Variants in ADRA1D observed in about 807,000 individuals in gnomAD.
ADRA1D encodes adrenoceptor alpha 1D, also known as alpha-1D adrenergic receptor.
A neutral mutation model predicts 18.6 loss-of-function variants in ADRA1D; 22 were observed. The observed-to-expected ratio is 1.19, with a 90% CI of 0.85 to 1.69. ADRA1D has a LOEUF of 1.69. Ranked by LOEUF, ADRA1D falls within the 40% of genes most tolerant of loss-of-function variation. The pLI, the probability that ADRA1D is intolerant of heterozygous loss-of-function variation, is 0.00. For synonymous variants in ADRA1D, 376 were observed against 388.2 expected (o/e 0.97, Z 0.37); for missense variants, 840 against 840.7 (o/e 1.00, Z 0.01).
At chr20:4,226,470 C>A (rs1280832544) in intron 1 of ADRA1D, among the ~76,000 whole-genome samples, 2 of 152,218 alleles carry the variant, frequency 1.3e-5, no homozygotes, top group African/African-American at 4.8e-5. Flanking sequence ...AGTTACGGAT[C>A]ACTGTGGGCA....
At chr20:4,234,492 C>A (rs932865563) in intron 1 of ADRA1D, among the ~76,000 whole-genome samples, 1 of 152,210 alleles carries the variant, frequency 6.6e-6, no homozygotes, top group Non-Finnish European at 1.5e-5. Context: ...CCATAGTAAG[C>A]CATTCCCCTG....
intron 1 of ADRA1D, among the ~76,000 whole-genome samples, chr20:4,244,219 G>A (rs1006470344): frequency 6.6e-6 from 1 of 152,184 alleles, no homozygotes; most frequent in Non-Finnish European, 1.5e-5. Context: ...GTCTGCTGTG[G>A]CCCTACTGGG....
chr20:4,248,136 G>T lies in ADRA1D; in HGVS notation c.822C>A (p.Tyr274Ter). The part of the protein sequence containing the change: ...YLPMAVIVVM[Y>*]CRVYVVARST... ...TGCGCGCGACCACGTACACGCGGCA[G>T]TACATGACCACGATGACCGCCATGG... Residue 274 changes from tyrosine to a stop codon, truncating the protein, a stop_gained, in exon 1 of 2, where the codon TAC becomes TAA. Coordinates refer to ENST00000379453, the MANE Select transcript of ADRA1D (RefSeq NM_000678.4). LOFTEE classifies it high-confidence loss of function. The T allele has an allele frequency of 6.4e-7, 1 of 1,573,520 alleles. No individual in the cohort carries two copies.
At chr20:4,234,355 T>C (rs1981041108) in intron 1 of ADRA1D, among the ~76,000 whole-genome samples, 1 of 152,170 alleles carries the variant, frequency 6.6e-6, no homozygotes, top group South Asian at 2.1e-4. Context: ...CAGAAGGAAC[T>C]TGTTCTTGGC....
In ADRA1D at chr20:4,247,946, G is replaced by C. The variant is rs1275308447; in HGVS notation, c.1012C>G (p.Leu338Val). 1 of 1,599,668 alleles carries C rather than the reference G, an allele frequency of 6.3e-7. No homozygotes were observed. The highest frequency in any genetic ancestry group is 1.3e-5 in the African/African-American group (1 of 74,430). ...TFRSSLSVRLLKFSREKKAAK... is the reference protein window; with the variant it reads ...TFRSSLSVRLVKFSREKKAAK... ...GCTTTCTTCTCACGGGAGAACTTGA[G>C]CAGGCGCACGGAGAGCGAGCTGCGG... The change falls in exon 1 of 2, where the codon CTC becomes GTC. Residue 338 changes from leucine to valine, a missense_variant. Leu to Val is a conservative substitution (Grantham distance 32, BLOSUM62 1). Transcript: ENST00000379453.
intron 1 of ADRA1D, among the ~76,000 whole-genome samples, chr20:4,231,498 G>A (rs534123771): frequency 1.3e-5 from 2 of 152,230 alleles, no homozygotes; most frequent in East Asian, 1.9e-4. Context: ...ACAAGTGCCT[G>A]ACTCGAACGA....
In ADRA1D at chr20:4,221,881, C is replaced by G; in HGVS notation, c.1361G>C (p.Gly454Ala). The G allele has an allele frequency of 6.8e-7, 1 of 1,477,116 alleles. No individual in the cohort carries two copies. The highest frequency in any genetic ancestry group is 8.9e-7 in the Non-Finnish European group (1 of 1,121,576). 91.5% of individuals were successfully genotyped at this position (1,477,116 alleles called of 1,614,324 possible). A position where few individuals can be genotyped will look rare whatever the true frequency, so the allele number is the denominator to read the frequency against. The change falls in exon 2 of 2, where the codon GGC becomes GCC. Residue 454 changes from glycine to alanine, a missense_variant. Coordinates refer to ENST00000379453, the MANE Select transcript of ADRA1D (RefSeq NM_000678.4). ...GLRQDCAPSS[G>A]DAPPGAPLAL... ...CAGCGGCGCTCCGGGGGGCGCGTCG[C>G]CCGAACTCGGGGCGCAGTCCTGGCG...
intron 1 of ADRA1D, among the ~76,000 whole-genome samples, chr20:4,227,870 G>C (rs1229371934): frequency 6.6e-6 from 1 of 151,750 alleles, no homozygotes; most frequent in South Asian, 2.1e-4. Flanking sequence ...GCCTCCCAAA[G>C]TGCTGGGATT....
In ADRA1D at chr20:4,222,093, G is replaced by A. The variant is rs755408253; in HGVS notation, c.1149C>T (p.Val383=). 2 of 1,612,838 alleles carry A rather than the reference G, an allele frequency of 1.2e-6. No individual in the cohort carries two copies. Among genetic ancestry groups the A allele is most frequent in the Non-Finnish European group, 1.7e-6 (2 of 1,179,500 alleles). Reference sequence around the variant, plus strand: ...AGCCGAGCCAGAAGATGACCTTGAAGACGCCCTCCGATGGCTTCAGCTGCG... The same window carrying A: ...AGCCGAGCCAGAAGATGACCTTGAAAACGCCCTCCGATGGCTTCAGCTGCG... ...LFPQLKPSEG[V]FKVIFWLGYF... The change falls in exon 2 of 2, where the codon GTC becomes GTT. Residue 383 remains valine, a synonymous_variant. Transcript: ENST00000379453. This position sits in a 1 kb window ranked among gnomAD's most constrained non-coding sequence, Gnocchi z 4.3.
chr20:4,230,766 G>A (rs1980934771), intron 1 of ADRA1D, among the ~76,000 whole-genome samples: 1 of 152,180 alleles, frequency 6.6e-6, no homozygotes, highest in Admixed American at 6.5e-5. Flanking sequence ...ATTCAGCCAC[G>A]TTAAGCCTCA....
At chr20:4,229,131 C>T (rs536110540) in intron 1 of ADRA1D, among the ~76,000 whole-genome samples, 2 of 152,240 alleles carry the variant, frequency 1.3e-5, no homozygotes, top group African/African-American at 4.8e-5. Context: ...AGGAGCGCCT[C>T]ATTTAGTCTT....
chr20:4,245,409 T>C (rs762159817), intron 1 of ADRA1D, among the ~76,000 whole-genome samples: 3 of 152,052 alleles, frequency 2.0e-5, no homozygotes, highest in Non-Finnish European at 4.4e-5. Context: ...ATAAGAGTGA[T>C]ATACTCCAGA....
At chr20:4,233,093 G>A (rs1053978418) in intron 1 of ADRA1D, among the ~76,000 whole-genome samples, 1 of 152,082 alleles carries the variant, frequency 6.6e-6, no homozygotes, top group African/African-American at 2.4e-5. Context: ...CTTAAGCCCA[G>A]GAGTTCAAAC....
chr20:4,248,973 TC>T lies in ADRA1D; in HGVS notation c.-17del. The T allele has an allele frequency of 7.5e-7, 1 of 1,336,280 alleles. No homozygotes were observed. The highest frequency in any genetic ancestry group is 9.7e-7 in the Non-Finnish European group (1 of 1,032,710). 82.8% of individuals were successfully genotyped at this position (1,336,280 alleles called of 1,614,324 possible). The stretch of plus-strand genomic sequence containing the variant: ...GGAAAGTCATCTCAACGCGCGGCCG[TC>T]GGTGGCCGGGCCGGGGCACAGAACG... On this transcript the variant is annotated 5_prime_UTR_variant, in exon 1 of 2. An upstream open reading frame in the 5' UTR loses its in-frame stop. Transcript: ENST00000379453.
At chr20:4,240,508 C>T (rs1209310450) in intron 1 of ADRA1D, among the ~76,000 whole-genome samples, 3 of 150,508 alleles carry the variant, frequency 2.0e-5, no homozygotes, top group African/African-American at 7.3e-5. Context: ...AAATAATCTA[C>T]AGTGGCCGGG....
intron 1 of ADRA1D, among the ~76,000 whole-genome samples, chr20:4,245,108 G>A (rs1377160438): frequency 2.0e-5 from 3 of 152,242 alleles, no homozygotes; most frequent in Non-Finnish European, 4.4e-5. Context: ...AGGGAGTCAC[G>A]TGACGTGGAC....
At chr20:4,244,583 A>T (rs1334801588) in intron 1 of ADRA1D, among the ~76,000 whole-genome samples, 1 of 152,170 alleles carries the variant, frequency 6.6e-6, no homozygotes, top group African/African-American at 2.4e-5. Flanking sequence ...CCACACCAAC[A>T]TATACCAGCC....
intron 1 of ADRA1D, among the ~76,000 whole-genome samples, chr20:4,226,841 A>G (rs1980811704): frequency 6.6e-6 from 1 of 152,228 alleles, no homozygotes; most frequent in Admixed American, 6.5e-5. Context: ...CAGATTCCGC[A>G]GGCAGCGGCT....
Position 4,222,025 on chromosome 20 carries a change from C to T in ADRA1D, c.1217G>A (p.Ser406Asn). The T allele has an allele frequency of 6.2e-7, 1 of 1,607,460 alleles. No individual in the cohort carries two copies. Among genetic ancestry groups the T allele is most frequent in the Non-Finnish European group, 8.5e-7 (1 of 1,176,706 alleles). ...CVNPLIYPCSSREFKRAFLRL... is the reference protein window; with the variant it reads ...CVNPLIYPCSNREFKRAFLRL... ...GAGGAAGGCGCGCTTGAACTCGCGG[C>T]TGGAACAGGGGTAGATGAGCGGGTT... is the stretch of plus-strand genomic sequence containing the variant. Residue 406 changes from serine (S) to asparagine (N), a missense_variant, in exon 2 of 2, where the codon AGC becomes AAC. Ser to Asn is a conservative substitution (Grantham distance 46). Coordinates refer to ENST00000379453, the MANE Select transcript of ADRA1D (RefSeq NM_000678.4). The surrounding 1 kb of genome is among the most constrained non-coding windows in gnomAD (Gnocchi z 4.3).
Sources: gnomAD v4.1 joint callset for allele counts (sites outside exome capture counted in the v4.1 genomes callset) on GRCh38, gnomAD v4.1.1 for gene constraint, Gnocchi (gnomAD v3.1) non-coding constraint, MANE v1.5 for transcripts, NCBI Gene and HGNC (gene_info 2026-07-23, HGNC 2026-07-21) for gene names.